The following LRWD1 variants were observed in gnomAD, a reference collection of about 807,000 sequenced individuals.
The protein encoded by LRWD1 is leucine rich repeats and WD repeat domain containing 1.
LRWD1 carries 76 observed loss-of-function variants against 75.6 expected under a neutral mutation model. That is an observed-to-expected ratio of 1.01 (90% CI 0.84 to 1.22). LRWD1 has a LOEUF of 1.22. Ranked by LOEUF, LRWD1 falls within the 50% of genes most tolerant of loss-of-function variation. The pLI, the probability that LRWD1 is intolerant of heterozygous loss-of-function variation, is 0.00. For missense variants in LRWD1, 917 were observed against 862.0 expected (o/e 1.06, Z -0.80); for synonymous variants, 487 against 377.0 (o/e 1.29, Z -3.38).
Position 102,468,846 on chromosome 7 carries a change from C to A in LRWD1, c.1021-9C>A, listed in dbSNP as rs761925742. The A allele has an allele frequency of 3.7e-6, 6 of 1,608,878 alleles. 1 individual carries two copies. ...GCCCCAGTGACTGTTTACTCTAACCCCCGCCCAGGAGTTCTTTTCTGTGGC... is the reference window on the plus strand; with the variant it reads ...GCCCCAGTGACTGTTTACTCTAACCACCGCCCAGGAGTTCTTTTCTGTGGC... On this transcript the variant is annotated splice_polypyrimidine_tract_variant and intron_variant, in intron 8 of 14. Transcript: ENST00000292616.
rs1183178476 is a variant in LRWD1 at position 102,472,447 on chromosome 7, C to T, written c.1535-7C>T. The T allele has an allele frequency of 2.6e-6, 4 of 1,536,044 alleles. No homozygotes were observed. The highest frequency in any genetic ancestry group is 1.7e-4 in the Middle Eastern group (1 of 5,922). Reference sequence around the variant, plus strand: ...CACCCTGCACAGCTCTCCCTTCTCCCCCACAGCCTCCAAGGGGAGCGGCCT... The same window carrying T: ...CACCCTGCACAGCTCTCCCTTCTCCTCCACAGCCTCCAAGGGGAGCGGCCT... On this transcript the variant is annotated splice_region_variant and splice_polypyrimidine_tract_variant and intron_variant, in intron 12 of 14. Coordinates refer to ENST00000292616, the MANE Select transcript of LRWD1 (RefSeq NM_152892.3).
chr7:102,472,570 T>C lies in LRWD1; in HGVS notation c.1651T>C (p.Ser551Pro). 1 of 1,606,204 alleles carries C rather than the reference T, an allele frequency of 6.2e-7. No individual in the cohort carries two copies. The highest frequency in any genetic ancestry group is 8.5e-7 in the Non-Finnish European group (1 of 1,177,070). Residue 551 changes from serine to proline, a missense_variant, in exon 13 of 15, where the codon TCC (serine) becomes CCC (proline). By Grantham distance (74) the Ser-to-Pro change is moderately conservative (BLOSUM62 -1). Transcript: ENST00000292616. ...VVVLARLQWS[S>P]TELAYFSLSA... ...GGTCCTGGCGCGGCTGCAATGGTCG[T>C]CCACCGAGTTGGCCTACTTCTCGCT...
intron 7 of LRWD1, 63 bp downstream of exon 7, chr7:102,468,440 G>T: frequency 2.6e-6 from 4 of 1,542,356 alleles, no homozygotes; most frequent in Non-Finnish European, 3.5e-6. Flanking sequence ...GATGGGTGGG[G>T]GATCAGGAGA....
At chr7:102,468,459 A>C in intron 7 of LRWD1, 82 bp downstream of exon 7, 1 of 1,536,446 alleles carries the variant, frequency 6.5e-7, no homozygotes, top group Non-Finnish European at 8.8e-7. Context: ...GACAGAGCTT[A>C]AAAGGCGCCA....
intron 12 of LRWD1, 50 bp from the exon 13 acceptor site, chr7:102,472,403 GA>G: frequency 1.3e-6 from 2 of 1,548,996 alleles, no homozygotes; most frequent in Non-Finnish European, 1.7e-6. Context: ...TCTAGTGGGA[GA>G]AGGTGTCTGG....
intron 1 of LRWD1, chr7:102,465,524 T>TAAG (rs1797941202): frequency 1.9e-5 from 2 of 103,516 alleles, no homozygotes; most frequent in Non-Finnish European, 2.0e-5. Flanking sequence ...TTTTTTTTTT[T>TAAG]TGTTAAGTGG....
chr7:102,473,123 G>GT lies in LRWD1; in HGVS notation c.*74_*75insT. On this transcript the variant is annotated 3_prime_UTR_variant, in exon 15 of 15. Transcript: ENST00000292616. ...GCTTTGGGCCGATGGGGGTGGGGGG[G>GT]GGTCTTTCAGTGAATATTTTTATTA... is the stretch of plus-strand genomic sequence containing the variant. 6.9e-7 allele frequency: 1 copy of GT among 1,444,782 alleles called. No homozygotes were observed. The highest frequency in any genetic ancestry group is 2.2e-5 in the Admixed American group (1 of 45,688). The allele number at this position is 1,444,782 out of a possible 1,614,324, so 89.5% of individuals were successfully genotyped here. A position where few individuals can be genotyped will look rare whatever the true frequency, so the allele number is the denominator to read the frequency against.
In LRWD1 at chr7:102,465,144, A is replaced by G; in HGVS notation, c.64A>G (p.Lys22Glu). The change falls in exon 1 of 15, where the codon AAG (lysine) becomes GAG (glutamate). Residue 22 changes from lysine to glutamate, a missense_variant. Physicochemically the swap from Lys to Glu is moderately conservative, Grantham distance 56. Coordinates refer to ENST00000292616, the MANE Select transcript of LRWD1 (RefSeq NM_152892.3). The stretch of plus-strand genomic sequence containing the variant: ...GCGCCCCAAGAGCGACCGGCTGGGG[A>G]AGATCCGGAGTCTGGAGTAAGAGCC... Reference protein sequence around the residue: ...RGRPKSDRLGKIRSLDLSGLE... With the variant: ...RGRPKSDRLGEIRSLDLSGLE... The G allele has an allele frequency of 6.6e-7, 1 of 1,516,328 alleles. No individual in the cohort carries two copies. The highest frequency in any genetic ancestry group is 8.8e-7 in the Non-Finnish European group (1 of 1,136,882). The allele number at this position is 1,516,328 out of a possible 1,614,324, so 93.9% of individuals were successfully genotyped here.
chr7:102,469,019 C>G lies in LRWD1; in HGVS notation c.1185C>G (p.Ile395Met). The change falls in exon 9 of 15, where the codon ATC (isoleucine) becomes ATG (methionine). Residue 395 changes from isoleucine to methionine, a missense_variant. Ile to Met is a conservative substitution (Grantham distance 10, BLOSUM62 1). Transcript: ENST00000292616. ...TCATCCGAGCCCACAAGAAGGCCAT[C>G]GCCACCCTGTGCTTCAGCCCCGCCC... ...CGVIRAHKKA[I>M]ATLCFSPAHE... 1 of 1,609,482 alleles carries G rather than the reference C, an allele frequency of 6.2e-7. No homozygotes were observed. The highest frequency in any genetic ancestry group is 8.5e-7 in the Non-Finnish European group (1 of 1,177,104).
At position 102,472,164 on chromosome 7, in the gene LRWD1, G is replaced by C. The variant is rs903729239; in HGVS notation, c.1443-54G>C. ...TGCGCTGCAGATGCCTGGGTGAGTG[G>C]GCAGCTCTCTATCTGCAAGGAATGG... On this transcript the variant is annotated intron_variant, in intron 11 of 14. Coordinates refer to ENST00000292616, the MANE Select transcript of LRWD1 (RefSeq NM_152892.3). 2.0e-6 allele frequency: 3 copies of C among 1,507,854 alleles called. No homozygotes were observed. The South Asian group carries it at 3.6e-5, about 18-fold the overall frequency. 93.4% of individuals were successfully genotyped at this position (1,507,854 alleles called of 1,614,324 possible).
chr7:102,468,769 G>A (rs1798095159), intron 8 of LRWD1, 86 bp from the exon 9 acceptor site: 5 of 1,536,872 alleles, frequency 3.3e-6, no homozygotes, highest in Non-Finnish European at 4.4e-6. Flanking sequence ...CTTTCATGCT[G>A]GGGCTCCCTC....
rs72603518 is a variant in LRWD1 at position 102,472,809 on chromosome 7, T to C, written c.1803+5T>C. 128,865 of 1,613,024 alleles carry C rather than the reference T, an allele frequency of 0.08. 11,739 individuals are homozygous for C. The highest frequency in any genetic ancestry group is 0.48 in the East Asian group (21,596 of 44,846). ...GCCCTGCAGGCCCCCACACAGGTAC[T>C]GCCCGGCTCACCCTGCCCAGGCTTG... On this transcript the variant is annotated splice_donor_5th_base_variant and intron_variant, in intron 14 of 14. Transcript: ENST00000292616.
intron 11 of LRWD1, chr7:102,470,459 G>C (rs531893486): frequency 6.6e-6 from 1 of 152,580 alleles, no homozygotes; most frequent in East Asian, 1.9e-4. Context: ...GACGGAAAAA[G>C]AGTAACGGGC....
intron 11 of LRWD1, 129 bp downstream of exon 11, chr7:102,470,011 G>C: frequency 8.6e-7 from 1 of 1,166,016 alleles, no homozygotes; most frequent in Non-Finnish European, 1.2e-6. Flanking sequence ...CCTCTTCGCA[G>C]AGCTGGCTTG....
Position 102,473,153 on chromosome 7 carries a change from C to G in LRWD1, c.*104C>G. The G allele has an allele frequency of 7.7e-7, 1 of 1,295,912 alleles. No individual in the cohort carries two copies. Among genetic ancestry groups the G allele is most frequent in the Non-Finnish European group, 1.1e-6 (1 of 944,518 alleles). 80.3% of individuals were successfully genotyped at this position (1,295,912 alleles called of 1,614,324 possible). A position where few individuals can be genotyped will look rare whatever the true frequency, so the allele number is the denominator to read the frequency against. ...TTTCAGTGAATATTTTTATTAAACT[C>G]TACTGTGGACAAGAAGCCTGTGGAA... On this transcript the variant is annotated 3_prime_UTR_variant, in exon 15 of 15. Coordinates refer to ENST00000292616, the MANE Select transcript of LRWD1 (RefSeq NM_152892.3).
At position 102,469,819 on chromosome 7, in the gene LRWD1, T is replaced by C. The variant is rs763389210; in HGVS notation, c.1379T>C (p.Leu460Pro). Residue 460 changes from leucine to proline, a missense_variant, in exon 11 of 15, where the codon CTG becomes CCG. Leu to Pro is a moderately conservative substitution (Grantham distance 98). Coordinates refer to ENST00000292616, the MANE Select transcript of LRWD1 (RefSeq NM_152892.3). Reference sequence around the variant, plus strand: ...GCCTCCTGCCCGGACGCCCGCCTGCTGGCCGGCTGCGAGGGCGGCTGCTGC... The same window carrying C: ...GCCTCCTGCCCGGACGCCCGCCTGCCGGCCGGCTGCGAGGGCGGCTGCTGC... ...PVASCPDARL[L>P]AGCEGGCCCW... 6.2e-7 allele frequency: 1 copy of C among 1,607,114 alleles called. No homozygotes were observed. The highest frequency in any genetic ancestry group is 8.5e-7 in the Non-Finnish European group (1 of 1,177,104).
rs576315564 is a variant in LRWD1 at position 102,465,257 on chromosome 7, C to G, written c.80+97C>G. 1.3e-5 allele frequency: 15 copies of G among 1,198,914 alleles called. No individual in the cohort carries two copies. In the African/African-American group the frequency reaches 2.1e-4, roughly 17 times the overall value. 74.3% of individuals were successfully genotyped at this position (1,198,914 alleles called of 1,614,324 possible). A position where few individuals can be genotyped will look rare whatever the true frequency, so the allele number is the denominator to read the frequency against. ...CCAACGGCCCGCTTGTCCCCGTTAT[C>G]GCCCTCTGGGTTCGGCAGAGTGGTC... On this transcript the variant is annotated intron_variant, in intron 1 of 14. Transcript: ENST00000292616.
chr7:102,467,579 G>T (rs1051116201), intron 4 of LRWD1, 100 bp downstream of exon 4: 11 of 1,542,626 alleles, frequency 7.1e-6, no homozygotes, highest in East Asian at 2.4e-5. Flanking sequence ...TGGGAGTGGG[G>T]TGAGTCAGGG....
chr7:102,472,374 G>A, intron 12 of LRWD1, 65 bp downstream of exon 12: 1 of 1,551,568 alleles, frequency 6.4e-7, no homozygotes, highest in Non-Finnish European at 8.7e-7. Context: ...CTTGTCCCTG[G>A]GCTAGGCTTC....
Sources: gnomAD v4.1 joint callset for allele counts on GRCh38, gnomAD v4.1.1 for gene constraint, MANE v1.5 for transcripts, NCBI Gene and HGNC (gene_info 2026-07-23, HGNC 2026-07-21) for gene names.